The following CSNK1G2 variants were observed in gnomAD, a reference collection of about 807,000 sequenced individuals.
CSNK1G2 encodes the protein casein kinase I isoform gamma-2.
CSNK1G2 carries 11 observed loss-of-function variants against 48.0 expected under a neutral mutation model. The ratio of observed to expected loss-of-function variants is 0.23; its 90% CI spans 0.14 to 0.38. The LOEUF (loss-of-function observed/expected upper bound fraction) is 0.38, where lower values mean the gene tolerates loss of function less well. CSNK1G2 is among the 10% of genes least tolerant of loss of function. CSNK1G2 has a pLI of 1.00. For synonymous variants in CSNK1G2, 337 were observed against 254.1 expected, an observed-to-expected ratio of 1.33 and a Z score of -3.10; for missense variants, 446 against 595.5, an observed-to-expected ratio of 0.75 and a Z score of 2.61.
intron 1 of CSNK1G2, among the ~76,000 whole-genome samples, chr19:1,960,157 A>G (rs71337067): frequency 6.6e-6 from 1 of 152,188 alleles, no homozygotes; most frequent in East Asian, 1.9e-4. Context: ...GCGTCAGCAC[A>G]GGGGCGTGTA....
intron 1 of CSNK1G2, among the ~76,000 whole-genome samples, chr19:1,947,909 G>A (rs921294406): frequency 3.3e-5 from 5 of 151,926 alleles, no homozygotes; most frequent in Admixed American, 6.5e-5. Context: ...GACCTCGCCC[G>A]CGGCCCTGGG....
intron 1 of CSNK1G2, among the ~76,000 whole-genome samples, chr19:1,960,868 G>T (rs1363333969): frequency 1.3e-5 from 2 of 152,156 alleles, no homozygotes. Flanking sequence ...CAGCCTGGGC[G>T]ACAGAGCGAG....
intron 1 of CSNK1G2, among the ~76,000 whole-genome samples, chr19:1,967,525 G>GA (rs1555681663): frequency 0.041 from 6,224 of 152,216 alleles, 198 homozygotes; most frequent in Non-Finnish European, 0.066. Flanking sequence ...CAGGCAGGTG[G>GA]CTGCGGTGGC....
At chr19:1,972,191 C>T (rs1425515895) in intron 2 of CSNK1G2, among the ~76,000 whole-genome samples, 1 of 152,230 alleles carries the variant, frequency 6.6e-6, no homozygotes, top group Admixed American at 6.5e-5. Flanking sequence ...GGCCGTCCAT[C>T]GGAGGACACA....
chr19:1,979,434 C>A (rs1286421098), intron 8 of CSNK1G2, 31 bp downstream of exon 8: 3 of 996,994 alleles, frequency 3.0e-6, no homozygotes, highest in African/African-American at 1.7e-5. Flanking sequence ...CGCCCTGTGC[C>A]CCCCACCCCC....
At position 1,957,646 on chromosome 19, in the gene CSNK1G2, C is replaced by T. The variant is rs1343675410; in HGVS notation, c.-265-11862C>T. Among the ~76,000 whole-genome samples, 1 of 152,216 alleles carries T rather than the reference C, an allele frequency of 6.6e-6. No individual in the cohort carries two copies. The highest frequency in any genetic ancestry group is 2.1e-4 in the South Asian group (1 of 4,832). The stretch of plus-strand genomic sequence containing the variant: ...GCTAGGCCACTTTCACAGCTCACCA[C>T]ACAGGCAGAGACTGGAGGGTGCGCA... On this transcript the variant is annotated intron_variant, in intron 1 of 11. Transcript: ENST00000255641. The surrounding 1 kb of genome is among the most constrained non-coding windows in gnomAD (Gnocchi z 5.4).
chr19:1,949,717 G>A (rs377442036), intron 1 of CSNK1G2, among the ~76,000 whole-genome samples: 8 of 152,304 alleles, frequency 5.3e-5, no homozygotes, highest in African/African-American at 1.9e-4. Context: ...GCACTGTTTG[G>A]GTCCCCTGCC....
chr19:1,980,015 C>G lies in CSNK1G2; in HGVS notation c.1191C>G (p.Thr397=). The change falls in exon 11 of 12, where the codon ACC becomes ACG. Residue 397 remains threonine, a splice_region_variant and synonymous_variant. Coordinates refer to ENST00000255641, the MANE Select transcript of CSNK1G2 (RefSeq NM_001319.7). ...APAEVEVADE[T]KCCCFFKRRK... is the part of the protein sequence containing the mutation. Reference sequence around the variant, plus strand: ...CAGAGGTGGAGGTGGCCGATGAAACCAAGTAAGGCTCTGGGGCGGTGCCTT... The same window carrying G: ...CAGAGGTGGAGGTGGCCGATGAAACGAAGTAAGGCTCTGGGGCGGTGCCTT... The G allele has an allele frequency of 6.3e-7, 1 of 1,577,566 alleles. No individual in the cohort carries two copies. The highest frequency in any genetic ancestry group is 8.6e-7 in the Non-Finnish European group (1 of 1,161,558).
At chr19:1,953,523 T>C (rs763257918) in intron 1 of CSNK1G2, 4 of 530,190 alleles carry the variant, frequency 7.5e-6, no homozygotes, top group Middle Eastern at 6.4e-4. Context: ...TTTGGGAAAA[T>C]TGCCCCTATG....
rs1369345272 is a variant in CSNK1G2, at chr19:1,979,833, C to A, written c.1084C>A (p.Gln362Lys). Reference protein sequence around the residue: ...RDKTQPHSKNQALNSTNGELN... With the variant: ...RDKTQPHSKNKALNSTNGELN... ...CAAAACCCAGCCGCACAGCAAAAAC[C>A]AGGTGAGGCCCGGGCGGGACCGACC... is the stretch of plus-strand genomic sequence containing the variant. Residue 362 changes from glutamine to lysine, a missense_variant and splice_region_variant, in exon 10 of 12, where the codon CAG becomes AAG. Around this residue, in one of 2 missense-constraint regions of CSNK1G2, gnomAD observed 188 missense variants for 179.6 expected, o/e 1.05. Coordinates refer to ENST00000255641, the MANE Select transcript of CSNK1G2 (RefSeq NM_001319.7). The A allele has an allele frequency of 6.2e-7, 1 of 1,605,110 alleles. No individual in the cohort carries two copies.
At position 1,974,117 on chromosome 19, in the gene CSNK1G2, C is replaced by G. The variant is rs187128106; in HGVS notation, c.187+4158C>G. Among the ~76,000 whole-genome samples, 318 of 152,244 alleles carry G rather than the reference C, an allele frequency of 2.1e-3. 1 individual carries two copies. Among genetic ancestry groups the G allele is most frequent in the African/African-American group, 7.2e-3 (300 of 41,534 alleles). On this transcript the variant is annotated intron_variant, in intron 2 of 11. Coordinates refer to ENST00000255641, the MANE Select transcript of CSNK1G2 (RefSeq NM_001319.7). ...GTTGGTTGGCTAGGCTGGTCTCAAA[C>G]TCCTGACCTCGTGATCTACCTGCCT... is the stretch of plus-strand genomic sequence containing the variant.
At chr19:1,977,692 G>A (rs1192612649) in intron 2 of CSNK1G2, among the ~76,000 whole-genome samples, 2 of 148,950 alleles carry the variant, frequency 1.3e-5, no homozygotes. Flanking sequence ...GACAAAGGCT[G>A]CAGTGAACTG....
intron 1 of CSNK1G2, among the ~76,000 whole-genome samples, chr19:1,966,661 C>T (rs1287024235): frequency 6.6e-6 from 1 of 152,076 alleles, no homozygotes; most frequent in Non-Finnish European, 1.5e-5. Context: ...AGCATCACGC[C>T]CCACAGAGAA....
chr19:1,979,310 C>T lies in CSNK1G2; in HGVS notation c.769-9C>T, dbSNP rs779221452. Reference sequence around the variant, plus strand: ...GGGCGGGAGCAAGGCTGACCACAGACCCCCGCAGGCCGACACGCTCAAGGA... The same window carrying T: ...GGGCGGGAGCAAGGCTGACCACAGATCCCCGCAGGCCGACACGCTCAAGGA... On this transcript the variant is annotated splice_polypyrimidine_tract_variant and intron_variant, in intron 7 of 11. Transcript: ENST00000255641. 1 of 1,595,348 alleles carries T rather than the reference C, an allele frequency of 6.3e-7. No homozygotes were observed. Among genetic ancestry groups the T allele is most frequent in the Non-Finnish European group, 8.5e-7 (1 of 1,172,482 alleles).
Position 1,980,304 on chromosome 19 carries a change from A to G in CSNK1G2, c.*101A>G. On this transcript the variant is annotated 3_prime_UTR_variant, in exon 12 of 12. Coordinates refer to ENST00000255641, the MANE Select transcript of CSNK1G2 (RefSeq NM_001319.7). ...CCCACCCACAGCGGCCCAGGGCCAG[A>G]CCCTGGCTGGAAGCCAGAACGCAGA... 6.9e-7 allele frequency: 1 copy of G among 1,446,006 alleles called. No individual in the cohort carries two copies. Among genetic ancestry groups the G allele is most frequent in the Non-Finnish European group, 9.6e-7 (1 of 1,039,852 alleles). The allele number at this position is 1,446,006 out of a possible 1,614,324, so 89.6% of individuals were successfully genotyped here. A position where few individuals can be genotyped will look rare whatever the true frequency, so the allele number is the denominator to read the frequency against.
chr19:1,980,425 C>G lies in CSNK1G2; in HGVS notation c.*222C>G, dbSNP rs574984015. The G allele has an allele frequency of 9.7e-6, 6 of 617,850 alleles. No homozygotes were observed. The East Asian group carries it at 1.1e-4, about 11-fold the overall frequency. 38.3% of individuals were successfully genotyped at this position (617,850 alleles called of 1,614,324 possible). The stretch of plus-strand genomic sequence containing the variant: ...TTGGCCGAAATTTCTACACCTGTGT[C>G]TAGTCCTCCCCTCCAAGAGCATTAA... On this transcript the variant is annotated 3_prime_UTR_variant, in exon 12 of 12. Transcript: ENST00000255641.
intron 1 of CSNK1G2, chr19:1,954,177 C>T (rs939389386): frequency 4.5e-5 from 18 of 402,756 alleles, no homozygotes; most frequent in African/African-American, 2.5e-4. Context: ...TTGTCCTGGC[C>T]GCGGCAGCTC....
rs767604856 is a variant in CSNK1G2 at position 1,953,009 on chromosome 19, C to T, written c.-266+11591C>T. The T allele has an allele frequency of 4.6e-5, 19 of 412,088 alleles. No homozygotes were observed. The East Asian group carries it at 4.6e-4, about 10-fold the overall frequency. 25.5% of individuals were successfully genotyped at this position (412,088 alleles called of 1,614,324 possible). ...CAGTCTGGGTGGCAGAGCGAGACTC[C>T]GTCTGAAAAAAAAAACAAAGGAAAT... On this transcript the variant is annotated intron_variant, in intron 1 of 11. Coordinates refer to ENST00000255641, the MANE Select transcript of CSNK1G2 (RefSeq NM_001319.7).
At chr19:1,947,365 C>T (rs1374393205) in intron 1 of CSNK1G2, among the ~76,000 whole-genome samples, 3 of 152,184 alleles carry the variant, frequency 2.0e-5, no homozygotes, top group South Asian at 2.1e-4. Flanking sequence ...ATGTAATCTG[C>T]GGTGACCTCT....
Sources: allele counts gnomAD v4.1 joint callset (sites outside exome capture counted in the v4.1 genomes callset), GRCh38; gene constraint gnomAD v4.1.1; regional missense constraint gnomAD v4.1.1; non-coding constraint Gnocchi (gnomAD v3.1); transcripts MANE v1.5; gene names NCBI Gene and HGNC (gene_info 2026-07-23, HGNC 2026-07-21).